CADM2: variants seen among roughly 807,000 people sequenced by gnomAD.
CADM2 encodes cell adhesion molecule 2.
A neutral mutation model predicts 49.8 loss-of-function variants in CADM2; 12 were observed. The ratio of observed to expected loss-of-function variants is 0.24; its 90% CI spans 0.15 to 0.39. The LOEUF (loss-of-function observed/expected upper bound fraction) is 0.39, where lower values mean the gene tolerates loss of function less well. Among genes scored for constraint, CADM2 ranks in the 10% least tolerant of loss-of-function variants. CADM2 has a pLI of 1.00. For synonymous variants in CADM2, 214 were observed against 175.4 expected (o/e 1.22, Z -1.74); for missense variants, 378 against 492.3 (o/e 0.77, Z 2.20).
intron 1 of CADM2, among the ~76,000 whole-genome samples, chr3:85,013,355 A>T (rs963224559): frequency 6.6e-6 from 1 of 151,944 alleles, no homozygotes; most frequent in Non-Finnish European, 1.5e-5. Flanking sequence ...AGGCATTAAA[A>T]CTTACCTGAG....
At chr3:85,989,446 T>C (rs1034050130) in intron 8 of CADM2, among the ~76,000 whole-genome samples, 1 of 152,062 alleles carries the variant, frequency 6.6e-6, no homozygotes, top group African/African-American at 2.4e-5. Context: ...GGGACCAAAA[T>C]TCAGACCACT....
intron 3 of CADM2, among the ~76,000 whole-genome samples, chr3:85,862,098 A>C (rs1577501132): frequency 2.0e-5 from 3 of 152,218 alleles, no homozygotes; most frequent in Admixed American, 2.0e-4. Context: ...CTAAGGTCAG[A>C]TAAATCACTT....
Position 85,748,002 on chromosome 3 carries a change from A to T in CADM2, c.88+21454A>T, listed in dbSNP as rs2068689618. ...TCCTCTATAAGCTGCTATGGCATTTAATGCAAAGAAATATGGTTCATTTTT... is the reference window on the plus strand; with the variant it reads ...TCCTCTATAAGCTGCTATGGCATTTTATGCAAAGAAATATGGTTCATTTTT... On this transcript the variant is annotated intron_variant, in intron 2 of 9. Coordinates refer to ENST00000383699, the MANE Select transcript of CADM2 (RefSeq NM_001167675.2). Among the ~76,000 whole-genome samples the T allele has an allele frequency of 2.6e-5, 4 of 152,144 alleles. No individual in the cohort carries two copies. In the South Asian group the frequency reaches 8.3e-4, roughly 31 times the overall value.
chr3:85,940,592 A>G (rs1299073372), intron 7 of CADM2, among the ~76,000 whole-genome samples: 1 of 152,164 alleles, frequency 6.6e-6, no homozygotes, highest in Non-Finnish European at 1.5e-5. Flanking sequence ...TTGGCCTAAT[A>G]TATAGCAGTT....
chr3:85,565,085 T>C (rs1340748566), intron 1 of CADM2, among the ~76,000 whole-genome samples: 7 of 152,106 alleles, frequency 4.6e-5, no homozygotes, highest in East Asian at 3.9e-4. Context: ...GTGTTCTTAA[T>C]TGCAGATGGT....
chr3:85,051,833 G>A, intron 1 of CADM2, among the ~76,000 whole-genome samples: 1 of 152,078 alleles, frequency 6.6e-6, no homozygotes, highest in East Asian at 1.9e-4. Flanking sequence ...ATTGGGCCTG[G>A]GGGGAAGTAA....
At chr3:85,239,986 T>G (rs1576190020) in intron 1 of CADM2, among the ~76,000 whole-genome samples, 1 of 151,520 alleles carries the variant, frequency 6.6e-6, no homozygotes, top group South Asian at 2.1e-4. Context: ...CCAGGGAAAG[T>G]ATCTTTATAG....
intron 1 of CADM2, among the ~76,000 whole-genome samples, chr3:85,196,411 A>G (rs2041344490): frequency 6.6e-6 from 1 of 151,984 alleles, no homozygotes; most frequent in South Asian, 2.1e-4. Flanking sequence ...GTTATGAGTT[A>G]CATCCTGAAG....
At chr3:85,673,492 T>TAAA (rs573804511) in intron 1 of CADM2, among the ~76,000 whole-genome samples, 33 of 141,226 alleles carry the variant, frequency 2.3e-4, no homozygotes, top group East Asian at 2.3e-3. Context: ...AGAGTGCTAT[T>TAAA]AAAAAAAAAA....
chr3:85,228,907 C>T (rs888028418), intron 1 of CADM2, among the ~76,000 whole-genome samples: 28 of 152,064 alleles, frequency 1.8e-4, no homozygotes, highest in African/African-American at 3.9e-4. Flanking sequence ...TTAAGTCTGC[C>T]GAAGCTTTGC....
At chr3:85,397,412 G>T (rs1353366722) in intron 1 of CADM2, among the ~76,000 whole-genome samples, 1 of 152,130 alleles carries the variant, frequency 6.6e-6, no homozygotes. Context: ...TGAGGAGATG[G>T]TCAGACACTT....
At chr3:85,257,393 C>T (rs1225922925) in intron 1 of CADM2, among the ~76,000 whole-genome samples, 1 of 151,980 alleles carries the variant, frequency 6.6e-6, no homozygotes, top group Non-Finnish European at 1.5e-5. Context: ...TCCTAGAAAA[C>T]CCACCTGGAA....
intron 1 of CADM2, among the ~76,000 whole-genome samples, chr3:85,238,224 T>G (rs561420355): frequency 6.6e-6 from 1 of 152,094 alleles, no homozygotes; most frequent in Non-Finnish European, 1.5e-5. Flanking sequence ...GGAATTCTCT[T>G]TAAGAACGTA....
intron 1 of CADM2, among the ~76,000 whole-genome samples, chr3:85,359,417 A>C (rs2107270771): frequency 6.6e-6 from 1 of 151,524 alleles, no homozygotes; most frequent in African/African-American, 2.4e-5. Context: ...TACAGAATGG[A>C]AATAAATTAA....
At chr3:85,498,414 T>C (rs1475730601) in intron 1 of CADM2, among the ~76,000 whole-genome samples, 1 of 152,162 alleles carries the variant, frequency 6.6e-6, no homozygotes, top group Non-Finnish European at 1.5e-5. Context: ...GGGAAATTCA[T>C]GATTTGTATA....
Position 84,998,407 on chromosome 3 carries a change from C to A in CADM2, c.61+38739C>A, listed in dbSNP as rs1436110979. On this transcript the variant is annotated intron_variant, in intron 1 of 9. Transcript: ENST00000383699. The stretch of plus-strand genomic sequence containing the variant: ...CATCCAATTTTAAGGTCCTGATGTT[C>A]CCCTTTTAATGCCTGAAGTACCCCT... Among the ~76,000 whole-genome samples, 3 of 152,056 alleles carry A rather than the reference C, an allele frequency of 2.0e-5. No individual in the cohort carries two copies. The South Asian group carries it at 6.2e-4, about 32-fold the overall frequency.
At chr3:85,569,273 A>C (rs1168166613) in intron 1 of CADM2, among the ~76,000 whole-genome samples, 1 of 152,006 alleles carries the variant, frequency 6.6e-6, no homozygotes, top group African/African-American at 2.4e-5. Flanking sequence ...TGTTGCACCT[A>C]TCAGCGGCTT....
At chr3:85,304,677 T>C (rs762932245) in intron 1 of CADM2, among the ~76,000 whole-genome samples, 1 of 151,834 alleles carries the variant, frequency 6.6e-6, no homozygotes, top group Non-Finnish European at 1.5e-5. Context: ...TTTTAAGACA[T>C]AATAATTTAG....
chr3:85,251,380 C>G (rs946321543), intron 1 of CADM2, among the ~76,000 whole-genome samples: 1 of 151,722 alleles, frequency 6.6e-6, no homozygotes, highest in East Asian at 1.9e-4. Context: ...TAAAATGTTA[C>G]AGAAACAGAT....
Sources: allele counts gnomAD v4.1 joint callset (sites outside exome capture counted in the v4.1 genomes callset), GRCh38; gene constraint gnomAD v4.1.1; transcripts MANE v1.5; gene names NCBI Gene and HGNC (gene_info 2026-07-23, HGNC 2026-07-21).